STX8: variants seen among roughly 807,000 people sequenced by gnomAD.
STX8 encodes the protein syntaxin 8.
Under a neutral mutation model 37.5 loss-of-function variants are expected in STX8, and 23 were observed. The ratio of observed to expected loss-of-function variants is 0.61; its 90% CI spans 0.44 to 0.87. The LOEUF (loss-of-function observed/expected upper bound fraction) is 0.87, where lower values mean the gene tolerates loss of function less well. Ranked by LOEUF, STX8 falls within the 40% of genes least tolerant of loss-of-function variation. The probability of loss-of-function intolerance (pLI) is 0.00; values close to 1 mark genes in which losing one functional copy is unlikely to be tolerated. For missense variants in STX8, 313 were observed against 284.7 expected, an observed-to-expected ratio of 1.10 and a Z score of -0.71; for synonymous variants, 115 against 99.1, an observed-to-expected ratio of 1.16 and a Z score of -0.95.
intron 7 of STX8, among the ~76,000 whole-genome samples, chr17:9,374,118 G>T (rs1911506478): frequency 6.8e-6 from 1 of 146,310 alleles, no homozygotes; most frequent in African/African-American, 2.6e-5. Context: ...GTCTCACTGT[G>T]TCACCCAGGC....
intron 6 of STX8, among the ~76,000 whole-genome samples, chr17:9,430,728 C>T (rs1363027955): frequency 7.3e-5 from 11 of 149,902 alleles, no homozygotes; most frequent in Non-Finnish European, 1.3e-4. Context: ...TGGCTCACTG[C>T]AACCTCTGCC....
intron 1 of STX8, among the ~76,000 whole-genome samples, 154 bp downstream of exon 1, chr17:9,575,638 T>C (rs1261250019): frequency 6.6e-6 from 1 of 152,138 alleles, no homozygotes; most frequent in African/African-American, 2.4e-5. Flanking sequence ...TGTGGCGGGA[T>C]GTGGCTGAGC....
chr17:9,270,695 C>A (rs1444310034), intron 7 of STX8, among the ~76,000 whole-genome samples: 4 of 152,138 alleles, frequency 2.6e-5, no homozygotes, highest in Non-Finnish European at 1.5e-5. Context: ...TGAAAGCATA[C>A]AAATTATCAA....
intron 7 of STX8, among the ~76,000 whole-genome samples, chr17:9,315,597 C>G (rs77990919): frequency 0.014 from 2,203 of 152,284 alleles, 63 homozygotes; most frequent in African/African-American, 0.049. Flanking sequence ...AACATGTTGA[C>G]TATGTATATT....
At chr17:9,487,737 A>T (rs775259925) in intron 6 of STX8, among the ~76,000 whole-genome samples, 18 of 152,078 alleles carry the variant, frequency 1.2e-4, no homozygotes, top group Non-Finnish European at 2.4e-4. Flanking sequence ...GGTGTGGGGG[A>T]AGCAGCAAAA....
chr17:9,469,872 C>A (rs1359279848), intron 6 of STX8: 2 of 152,158 alleles, frequency 1.3e-5, no homozygotes, highest in African/African-American at 4.8e-5. Context: ...TTATCCTGTT[C>A]AAATGACCCA....
At chr17:9,415,641 C>T (rs1913161336) in intron 6 of STX8, among the ~76,000 whole-genome samples, 2 of 152,028 alleles carry the variant, frequency 1.3e-5, no homozygotes, top group Admixed American at 6.6e-5. Context: ...TGGTGGCAGG[C>T]GCCTGTAGTC....
chr17:9,301,469 T>TTTTA (rs993932441), intron 7 of STX8, among the ~76,000 whole-genome samples: 9 of 151,290 alleles, frequency 5.9e-5, no homozygotes, highest in Admixed American at 3.3e-4. Context: ...TTAATTTTTA[T>TTTTA]TTTATTTATT....
intron 6 of STX8, among the ~76,000 whole-genome samples, chr17:9,465,747 G>C (rs980985969): frequency 6.6e-6 from 1 of 152,102 alleles, no homozygotes; most frequent in African/African-American, 2.4e-5. Flanking sequence ...GAGGACTTCC[G>C]GGACTGAAGC....
intron 4 of STX8, among the ~76,000 whole-genome samples, chr17:9,518,521 G>T (rs1478306665): frequency 2.0e-5 from 3 of 152,084 alleles, no homozygotes; most frequent in African/African-American, 7.2e-5. Flanking sequence ...TCCTCTCACG[G>T]TATTGTGTTT....
At chr17:9,355,393 G>A (rs1318318722) in intron 7 of STX8, among the ~76,000 whole-genome samples, 1 of 146,406 alleles carries the variant, frequency 6.8e-6, no homozygotes, top group African/African-American at 2.5e-5. Flanking sequence ...GGAATGCAGT[G>A]GCACAATCAC....
At chr17:9,504,429 T>C (rs1885753511) in intron 5 of STX8, among the ~76,000 whole-genome samples, 1 of 151,740 alleles carries the variant, frequency 6.6e-6, no homozygotes, top group Non-Finnish European at 1.5e-5. Flanking sequence ...AATGGAGTCT[T>C]GTGTTTGGAG....
At chr17:9,516,291 CCA>C (rs1246029809) in intron 4 of STX8, among the ~76,000 whole-genome samples, 4 of 57,292 alleles carry the variant, frequency 7.0e-5, no homozygotes, top group Non-Finnish European at 9.7e-5. Context: ...CACATTAGAA[CCA>C]CAGTCATATA....
chr17:9,258,072 A>C (rs55840146), intron 7 of STX8, among the ~76,000 whole-genome samples: 66,454 of 151,868 alleles, frequency 0.44, 16,422 homozygotes, highest in Non-Finnish European at 0.56. Flanking sequence ...CTGGCAACCC[A>C]CACGTAGCTA....
intron 6 of STX8, among the ~76,000 whole-genome samples, chr17:9,444,368 CCT>C (rs1904767873): frequency 1.3e-5 from 2 of 152,204 alleles, no homozygotes; most frequent in Admixed American, 1.3e-4. Flanking sequence ...TTATCCTGCC[CCT>C]CTCTGCCCTA....
intron 6 of STX8, among the ~76,000 whole-genome samples, chr17:9,458,627 G>A (rs150492716): frequency 2.0e-5 from 3 of 152,248 alleles, no homozygotes; most frequent in African/African-American, 4.8e-5. Context: ...GTTTGCTCTC[G>A]TGCTCTTGTT....
intron 6 of STX8, among the ~76,000 whole-genome samples, chr17:9,445,002 T>C (rs888569071): frequency 1.1e-4 from 16 of 152,198 alleles, no homozygotes; most frequent in Non-Finnish European, 2.4e-4. Context: ...ACTGGCTCTC[T>C]GCTGAGCTGC....
At chr17:9,303,269 G>A (rs373077653) in intron 7 of STX8, among the ~76,000 whole-genome samples, 5 of 152,268 alleles carry the variant, frequency 3.3e-5, no homozygotes, top group African/African-American at 1.2e-4. Flanking sequence ...CCGGCCTGGC[G>A]ACAGAGCGAG....
chr17:9,395,902 A>G (rs567115295), intron 6 of STX8, among the ~76,000 whole-genome samples: 46 of 152,312 alleles, frequency 3.0e-4, no homozygotes, highest in African/African-American at 1.1e-3. Context: ...CATCAGCATA[A>G]AAACAAAACA....
Sources: allele counts gnomAD v4.1 joint callset (sites outside exome capture counted in the v4.1 genomes callset), GRCh38; gene constraint gnomAD v4.1.1; transcripts MANE v1.5; gene names NCBI Gene and HGNC (gene_info 2026-07-23, HGNC 2026-07-21).